PRKN: variants seen among roughly 807,000 people sequenced by gnomAD.
PRKN encodes parkin RBR E3 ubiquitin protein ligase, also known as E3 ubiquitin-protein ligase parkin.
PRKN carries 56 observed loss-of-function variants against 59.5 expected under a neutral mutation model. The observed-to-expected ratio is 0.94, with a 90% CI of 0.76 to 1.18. The LOEUF (loss-of-function observed/expected upper bound fraction) is 1.18. Ranked by LOEUF, PRKN falls within the 50% of genes most tolerant of loss-of-function variation. The pLI, the probability that PRKN is intolerant of heterozygous loss-of-function variation, is 0.00. For synonymous variants in PRKN, 250 were observed against 222.1 expected, an observed-to-expected ratio of 1.13 and a Z score of -1.12; for missense variants, 657 against 596.4, an observed-to-expected ratio of 1.10 and a Z score of -1.06.
At chr6:162,141,811 G>T (rs1447261648) in intron 4 of PRKN, among the ~76,000 whole-genome samples, 1 of 152,188 alleles carries the variant, frequency 6.6e-6, no homozygotes, top group Non-Finnish European at 1.5e-5. Flanking sequence ...AGAAATAGCT[G>T]CCCATTGTCC....
intron 8 of PRKN, among the ~76,000 whole-genome samples, chr6:161,565,212 G>C (rs561282769): frequency 2.0e-5 from 3 of 152,118 alleles, no homozygotes; most frequent in African/African-American, 7.2e-5. Flanking sequence ...GTTACATTTT[G>C]ACCGCAAAAC....
intron 6 of PRKN, among the ~76,000 whole-genome samples, chr6:161,957,753 G>T (rs1325513402): frequency 6.6e-6 from 1 of 151,952 alleles, no homozygotes; most frequent in Non-Finnish European, 1.5e-5. Context: ...TTTGCTTTCT[G>T]TTCCACCATG....
At chr6:162,235,954 A>AAGGAAGGAAGG (rs1562602190) in intron 3 of PRKN, among the ~76,000 whole-genome samples, 5 of 77,094 alleles carry the variant, frequency 6.5e-5, no homozygotes, top group Admixed American at 2.8e-4. Context: ...AGGAAGGAAG[A>AAGGAAGGAAGG]AAGGAAGAAA....
intron 6 of PRKN, among the ~76,000 whole-genome samples, chr6:161,875,887 T>G (rs1288739735): frequency 2.0e-5 from 3 of 152,054 alleles, no homozygotes; most frequent in African/African-American, 7.2e-5. Flanking sequence ...ATGCAGGATG[T>G]TACCAGATGT....
chr6:162,172,098 C>G (rs1038591936), intron 4 of PRKN, among the ~76,000 whole-genome samples: 1 of 152,144 alleles, frequency 6.6e-6, no homozygotes, highest in African/African-American at 2.4e-5. Context: ...AAAAAGAAAA[C>G]CACCTAAGGA....
Position 161,352,779 on chromosome 6 carries a change from TTA to T in PRKN, c.1286-2570_1286-2569del. 1.5e-5 allele frequency among the ~76,000 whole-genome samples: 2 copies of T among 129,740 alleles called. No individual in the cohort carries two copies. The highest frequency in any genetic ancestry group is 6.3e-5 in the African/African-American group (2 of 31,764). The allele number at this position is 129,740 out of a possible 152,430, so 85.1% of individuals were successfully genotyped here. On this transcript the variant is annotated intron_variant, in intron 11 of 11. Transcript: ENST00000366898. The surrounding 1 kb of genome is among the most constrained non-coding windows in gnomAD (Gnocchi z 5.8). ...TGTATATATATATATATATTTTATT[TTA>T]TTTTATTTTATTTTTTTGAGATGGA...
At chr6:162,150,950 G>C (rs1180289842) in intron 4 of PRKN, among the ~76,000 whole-genome samples, 4 of 152,142 alleles carry the variant, frequency 2.6e-5, no homozygotes, top group African/African-American at 9.7e-5. Context: ...ACCTGAGACT[G>C]TGGGCTATAT....
At chr6:162,457,821 A>C (rs1790951731) in intron 1 of PRKN, among the ~76,000 whole-genome samples, 1 of 152,110 alleles carries the variant, frequency 6.6e-6, no homozygotes, top group Non-Finnish European at 1.5e-5. Flanking sequence ...CAGTTGCTTC[A>C]ATCAAAAAGA....
chr6:161,679,330 G>A (rs191646945), intron 7 of PRKN, among the ~76,000 whole-genome samples: 191 of 152,284 alleles, frequency 1.3e-3, no homozygotes, highest in Middle Eastern at 6.8e-3. Context: ...AAAGACGCCT[G>A]CAAGACTGGC....
At chr6:161,878,125 G>A (rs568027775) in intron 6 of PRKN, among the ~76,000 whole-genome samples, 6 of 152,108 alleles carry the variant, frequency 3.9e-5, no homozygotes, top group Admixed American at 6.5e-5. Context: ...CTAGTGGCTC[G>A]GAATGGGGAA....
chr6:161,995,072 G>A (rs1390106019), intron 5 of PRKN, among the ~76,000 whole-genome samples: 2 of 152,064 alleles, frequency 1.3e-5, no homozygotes, highest in Non-Finnish European at 1.5e-5. Flanking sequence ...AAACAGTAGG[G>A]TACTGGTATA....
rs554320158 is a variant in PRKN, at chr6:162,289,144, C to T, written c.172-26379G>A. On this transcript the variant is annotated intron_variant, in intron 2 of 11. Coordinates refer to ENST00000366898, the MANE Select transcript of PRKN (RefSeq NM_004562.3). ...AGGCCAGACCCTGAAATCAAGGCAT[C>T]GGCAGGGCTGGTTCCTTCTGAGGGC... 2.0e-5 allele frequency among the ~76,000 whole-genome samples: 3 copies of T among 149,952 alleles called. No individual in the cohort carries two copies. The South Asian group carries it at 6.5e-4, about 32-fold the overall frequency.
chr6:162,392,907 A>G (rs1787274087), intron 2 of PRKN, among the ~76,000 whole-genome samples: 2 of 152,038 alleles, frequency 1.3e-5, no homozygotes, highest in Admixed American at 1.3e-4. Context: ...TTCAAAGACC[A>G]GGAGCATGTC....
At chr6:161,374,113 A>C (rs1562403156) in intron 10 of PRKN, among the ~76,000 whole-genome samples, 1 of 152,176 alleles carries the variant, frequency 6.6e-6, no homozygotes, top group Non-Finnish European at 1.5e-5. Context: ...TGTGCAGAGA[A>C]TTGCCAGGGG....
intron 3 of PRKN, among the ~76,000 whole-genome samples, chr6:162,249,331 AC>A (rs1779331132): frequency 6.6e-6 from 1 of 152,228 alleles, no homozygotes; most frequent in Non-Finnish European, 1.5e-5. Context: ...TTACCAGGAT[AC>A]AATTGAACAA....
intron 4 of PRKN, among the ~76,000 whole-genome samples, chr6:162,179,766 A>T (rs4709578): frequency 0.49 from 74,346 of 151,916 alleles, 20,276 homozygotes; most frequent in Non-Finnish European, 0.63. Context: ...GGCTCAATTC[A>T]TGAGCTTATG....
chr6:162,510,689 G>A (rs138202519), intron 1 of PRKN, among the ~76,000 whole-genome samples: 370 of 152,190 alleles, frequency 2.4e-3, no homozygotes, highest in Middle Eastern at 0.017. Flanking sequence ...TTGGGAGGCC[G>A]GGCGAGCAGA....
intron 1 of PRKN, among the ~76,000 whole-genome samples, chr6:162,497,484 C>A (rs1485953448): frequency 1.3e-5 from 2 of 152,222 alleles, no homozygotes; most frequent in African/African-American, 4.8e-5. Flanking sequence ...AGCAAATTGG[C>A]TCTACAATTT....
At chr6:162,107,358 A>T (rs1037293432) in intron 4 of PRKN, among the ~76,000 whole-genome samples, 4 of 152,132 alleles carry the variant, frequency 2.6e-5, no homozygotes, top group African/African-American at 9.7e-5. Context: ...CCAGCTACTC[A>T]GGAGGCTGAG....
Sources: gnomAD v4.1 joint callset for allele counts (sites outside exome capture counted in the v4.1 genomes callset) on GRCh38, gnomAD v4.1.1 for gene constraint, Gnocchi (gnomAD v3.1) non-coding constraint, MANE v1.5 for transcripts, NCBI Gene and HGNC (gene_info 2026-07-23, HGNC 2026-07-21) for gene names.